The following RIN2 variants were observed in gnomAD, a reference collection of about 807,000 sequenced individuals.
RIN2 encodes the protein RAB5 interacting protein 2.
Under a neutral mutation model 78.0 loss-of-function variants are expected in RIN2, and 36 were observed. The observed-to-expected ratio is 0.46, with a 90% confidence interval of 0.35 to 0.61. The LOEUF is 0.61. Ranked by LOEUF, RIN2 falls within the 20% of genes least tolerant of loss-of-function variation. RIN2 has a pLI of 0.00. For missense variants in RIN2, 1,087 were observed against 1,159.7 expected (o/e 0.94, Z 0.91); for synonymous variants, 466 against 466.8 (o/e 1.00, Z 0.02).
chr20:19,876,050 A>G (rs1461643696), intron 2 of RIN2, among the ~76,000 whole-genome samples: 3 of 152,302 alleles, frequency 2.0e-5, no homozygotes, highest in South Asian at 2.1e-4. Context: ...ACTTCAGGGG[A>G]ACGGAATGTG....
At position 19,847,871 on chromosome 20, in the gene RIN2, C is replaced by G. The variant is rs6136857; in HGVS notation, c.-36-41695C>G. ...TCTAGAACAGGGAGGGGCCCATAAA[C>G]TTTTTTCTGTAGAGATCCACAGAGT... On this transcript the variant is annotated intron_variant, in intron 2 of 12. Transcript: ENST00000255006. Among the ~76,000 whole-genome samples the G allele has an allele frequency of 4.3e-4, 65 of 152,238 alleles. No homozygotes were observed. The East Asian group carries it at 0.011, about 25-fold the overall frequency.
intron 1 of RIN2, among the ~76,000 whole-genome samples, chr20:19,774,180 A>C (rs1319172720): frequency 2.6e-5 from 4 of 152,152 alleles, no homozygotes; most frequent in Non-Finnish European, 4.4e-5. Context: ...CTCAACTTAC[A>C]TAATGCATCT....
At chr20:19,826,240 T>TA (rs2036086443) in intron 2 of RIN2, among the ~76,000 whole-genome samples, 3 of 152,324 alleles carry the variant, frequency 2.0e-5, no homozygotes, top group South Asian at 4.1e-4. Context: ...ACCAGGATTT[T>TA]AAAAAAATTC....
intron 2 of RIN2, among the ~76,000 whole-genome samples, chr20:19,854,207 T>C (rs1025265471): frequency 1.2e-4 from 18 of 152,216 alleles, no homozygotes; most frequent in African/African-American, 3.9e-4. Flanking sequence ...TGGTATTACT[T>C]CTGAGGGCTC....
At position 20,000,697 on chromosome 20, in the gene RIN2, G is replaced by A. The variant is rs769024062; in HGVS notation, c.2449G>A (p.Asp817Asn). ...TGTGAGACCTTACATCACCACTGAGGATGTGTGTCAGATCTGCGCTGAGAA... is the reference window on the plus strand; with the variant it reads ...TGTGAGACCTTACATCACCACTGAGAATGTGTGTCAGATCTGCGCTGAGAA... ...LLVRPYITTE[D>N]VCQICAEKFK... The change falls in exon 13 of 13, where the codon GAT (aspartate) becomes AAT (asparagine). Residue 817 changes from aspartate to asparagine, a missense_variant. Asp to Asn is a conservative substitution (Grantham distance 23). This residue lies in a region of RIN2 where 160 missense variants were observed against 179.4 expected (regional missense o/e 0.89). Coordinates refer to ENST00000255006, the MANE Select transcript of RIN2 (RefSeq NM_018993.4). The A allele has an allele frequency of 1.2e-6, 2 of 1,613,950 alleles. No individual in the cohort carries two copies. Among genetic ancestry groups the A allele is most frequent in the East Asian group, 4.5e-5 (2 of 44,886 alleles).
At position 19,810,762 on chromosome 20, in the gene RIN2, C is replaced by T. The variant is rs183240189; in HGVS notation, c.-37+11015C>T. 9.6e-5 allele frequency among the ~76,000 whole-genome samples: 13 copies of T among 134,980 alleles called. No homozygotes were observed. The East Asian group carries it at 1.6e-3, about 17-fold the overall frequency. 88.6% of individuals were successfully genotyped at this position (134,980 alleles called of 152,430 possible). A position where few individuals can be genotyped will look rare whatever the true frequency, so the allele number is the denominator to read the frequency against. ...AGGCTAGAGTGCAGTGGCGTGATCT[C>T]GGCTCACTGCAAGCTCTGCCTCCCG... On this transcript the variant is annotated intron_variant, in intron 2 of 12. Transcript: ENST00000255006.
chr20:19,789,746 A>T (rs2034829840), intron 1 of RIN2, among the ~76,000 whole-genome samples: 1 of 152,128 alleles, frequency 6.6e-6, no homozygotes, highest in Admixed American at 6.5e-5. Context: ...ATGCATCCCC[A>T]TGGGTTGTTG....
In RIN2 at chr20:19,988,896, TC is replaced by T. The variant is rs796458344; in HGVS notation, c.1763-1109del. Among the ~76,000 whole-genome samples, 12 of 150,550 alleles carry T rather than the reference TC, an allele frequency of 8.0e-5. 1 individual carries two copies. Among genetic ancestry groups the T allele is most frequent in the African/African-American group, 3.0e-4 (12 of 40,658 alleles). ...CACATCTGCCTCATTCTTCTTTCTC[TC>T]TCTTCACACACACACACACACACGC... On this transcript the variant is annotated intron_variant, in intron 9 of 12. Transcript: ENST00000255006.
At chr20:19,770,833 T>C (rs1407486625) in intron 1 of RIN2, among the ~76,000 whole-genome samples, 1 of 151,406 alleles carries the variant, frequency 6.6e-6, no homozygotes, top group African/African-American at 2.4e-5. Flanking sequence ...TCCAGCTCAA[T>C]TCCCACAGGG....
intron 1 of RIN2, among the ~76,000 whole-genome samples, chr20:19,790,336 C>T (rs147470406): frequency 7.0e-4 from 107 of 152,226 alleles, no homozygotes; most frequent in African/African-American, 2.5e-3. Flanking sequence ...TGATCTCTAG[C>T]CTTATTAATT....
rs919057980 is a variant in RIN2 at position 19,988,081 on chromosome 20, T to C, written c.1763-1925T>C. Among the ~76,000 whole-genome samples, 5 of 152,314 alleles carry C rather than the reference T, an allele frequency of 3.3e-5. No individual in the cohort carries two copies. The South Asian group carries it at 1.0e-3, about 32-fold the overall frequency. ...GAATTCAATAAGATCTGATCCAGCG[T>C]CAGGAATTCCAAAGGCCAGAGAGAC... On this transcript the variant is annotated intron_variant, in intron 9 of 12. Coordinates refer to ENST00000255006, the MANE Select transcript of RIN2 (RefSeq NM_018993.4).
chr20:19,883,423 T>A (rs1189657222), intron 2 of RIN2, among the ~76,000 whole-genome samples: 1 of 151,740 alleles, frequency 6.6e-6, no homozygotes, highest in African/African-American at 2.4e-5. Flanking sequence ...CCCAGCACCT[T>A]TGACCTCCTG....
intron 4 of RIN2, among the ~76,000 whole-genome samples, chr20:19,936,293 A>G (rs1178241262): frequency 6.6e-6 from 1 of 152,096 alleles, no homozygotes; most frequent in Non-Finnish European, 1.5e-5. Flanking sequence ...ATTGTTCTTG[A>G]CCTCAGTGTG....
intron 3 of RIN2, among the ~76,000 whole-genome samples, chr20:19,924,987 C>A (rs1386770535): frequency 6.6e-6 from 1 of 151,424 alleles, no homozygotes; most frequent in Non-Finnish European, 1.5e-5. Flanking sequence ...GATCCACCCG[C>A]CTCGGCCTCC....
At chr20:19,792,372 G>C (rs776776647) in intron 1 of RIN2, among the ~76,000 whole-genome samples, 1 of 152,202 alleles carries the variant, frequency 6.6e-6, no homozygotes, top group Non-Finnish European at 1.5e-5. Flanking sequence ...GCCTCATAGT[G>C]TCATTTCTCG....
chr20:19,986,544 G>C (rs981847729), intron 9 of RIN2, among the ~76,000 whole-genome samples: 22 of 152,138 alleles, frequency 1.4e-4, no homozygotes, highest in Non-Finnish European at 2.5e-4. Flanking sequence ...ATACCCAAGG[G>C]TGGAATTCCC....
At chr20:19,972,790 G>A (rs1008475184) in intron 8 of RIN2, among the ~76,000 whole-genome samples, 3 of 152,228 alleles carry the variant, frequency 2.0e-5, no homozygotes, top group Admixed American at 2.0e-4. Flanking sequence ...AGGACTCAAA[G>A]GAGGTGGAAG....
intron 2 of RIN2, among the ~76,000 whole-genome samples, chr20:19,810,872 G>A (rs1228448007): frequency 7.3e-6 from 1 of 136,168 alleles, no homozygotes; most frequent in Non-Finnish European, 1.5e-5. Context: ...TTTTGTGTGT[G>A]TGTGTGTTTT....
chr20:19,910,927 A>G (rs755814469), intron 3 of RIN2, among the ~76,000 whole-genome samples: 7 of 152,308 alleles, frequency 4.6e-5, no homozygotes, highest in Admixed American at 2.0e-4. Flanking sequence ...AGAAGAGTTC[A>G]AAGAACGCTT....
Sources: gnomAD v4.1 joint callset for allele counts (sites outside exome capture counted in the v4.1 genomes callset) on GRCh38, gnomAD v4.1.1 for gene constraint, gnomAD v4.1.1 regional missense constraint, MANE v1.5 for transcripts, NCBI Gene and HGNC (gene_info 2026-07-23, HGNC 2026-07-21) for gene names.